The following CHN1 variants were observed in gnomAD, a reference collection of about 807,000 sequenced individuals.
CHN1 encodes the protein chimerin 1.
CHN1 carries 37 observed loss-of-function variants against 59.5 expected under a neutral mutation model. The ratio of observed to expected loss-of-function variants is 0.62; its 90% CI spans 0.48 to 0.82. The LOEUF is 0.82. Among genes scored for constraint, CHN1 ranks in the 40% least tolerant of loss-of-function variants. The pLI, the probability that CHN1 is intolerant of heterozygous loss-of-function variation, is 0.00. For missense variants in CHN1, 469 were observed against 571.0 expected (o/e 0.82, Z 1.82); for synonymous variants, 206 against 200.4 (o/e 1.03, Z -0.24).
intron 4 of CHN1, among the ~76,000 whole-genome samples, chr2:174,916,459 G>A (rs1426092270): frequency 6.6e-6 from 1 of 152,134 alleles, no homozygotes; most frequent in African/African-American, 2.4e-5. Flanking sequence ...TACAATAACT[G>A]CAATGACTCA....
Position 174,877,823 on chromosome 2 carries a change from G to T in CHN1, c.549+17C>A. The T allele has an allele frequency of 1.3e-6, 2 of 1,598,682 alleles. No individual in the cohort carries two copies. Among genetic ancestry groups the T allele is most frequent in the Non-Finnish European group, 1.7e-6 (2 of 1,171,402 alleles). The stretch of plus-strand genomic sequence containing the variant: ...CCCAAACAGAAAAAGATAAAGTGTG[G>T]TTTCATAGTAGCTTACCCTTTTCTC... On this transcript the variant is annotated intron_variant, in intron 6 of 12. Coordinates refer to ENST00000409900, the MANE Select transcript of CHN1 (RefSeq NM_001822.7).
Position 174,804,974 on chromosome 2 carries a change from C to G in CHN1, c.1103-3162G>C, listed in dbSNP as rs1328247386. Among the ~76,000 whole-genome samples, 3 of 152,232 alleles carry G rather than the reference C, an allele frequency of 2.0e-5. No homozygotes were observed. The East Asian group carries it at 5.8e-4, about 29-fold the overall frequency. Reference sequence around the variant, plus strand: ...TCCAGAACTCATTTCTCCTTTTCTTCCACTTACAAAAGTATTACCCATTAC... The same window carrying G: ...TCCAGAACTCATTTCTCCTTTTCTTGCACTTACAAAAGTATTACCCATTAC... On this transcript the variant is annotated intron_variant, in intron 11 of 12. Transcript: ENST00000409900.
chr2:174,894,509 G>A (rs1177700340), intron 5 of CHN1, among the ~76,000 whole-genome samples: 1 of 152,126 alleles, frequency 6.6e-6, no homozygotes, highest in Admixed American at 6.5e-5. Context: ...GAATGCTTGT[G>A]TACAGTTGGT....
intron 7 of CHN1, among the ~76,000 whole-genome samples, chr2:174,835,873 T>TA (rs1468259182): frequency 6.6e-6 from 1 of 152,200 alleles, no homozygotes; most frequent in East Asian, 1.9e-4. Context: ...CTGTTTCTAC[T>TA]AGTGGGCAGA....
chr2:174,827,785 CAG>C (rs1558941196), intron 7 of CHN1, among the ~76,000 whole-genome samples: 1 of 152,112 alleles, frequency 6.6e-6, no homozygotes, highest in Admixed American at 6.6e-5. Context: ...CTAATTGAAA[CAG>C]AGGCAACGGA....
intron 1 of CHN1, among the ~76,000 whole-genome samples, chr2:174,988,311 C>T (rs545900083): frequency 3.8e-4 from 57 of 149,218 alleles, no homozygotes; most frequent in Non-Finnish European, 6.5e-4. Context: ...GAGTCGAGAT[C>T]GCGCCACTGC....
chr2:174,929,395 T>C (rs1415255673), intron 3 of CHN1, among the ~76,000 whole-genome samples: 2 of 152,032 alleles, frequency 1.3e-5, no homozygotes, highest in East Asian at 3.9e-4. Flanking sequence ...CTAGCCAACA[T>C]GGTGAAACCC....
chr2:174,948,797 C>A (rs1428660831), intron 2 of CHN1, among the ~76,000 whole-genome samples: 3 of 152,070 alleles, frequency 2.0e-5, no homozygotes, highest in Non-Finnish European at 2.9e-5. Flanking sequence ...AATTGACATA[C>A]CTAATTATTT....
At chr2:174,926,883 G>A (rs1243159334) in intron 3 of CHN1, among the ~76,000 whole-genome samples, 1 of 151,666 alleles carries the variant, frequency 6.6e-6, no homozygotes, top group African/African-American at 2.4e-5. Context: ...TCAGCCTCCC[G>A]AGTAGCTGGG....
intron 1 of CHN1, among the ~76,000 whole-genome samples, chr2:174,983,873 C>T (rs1691246646): frequency 6.6e-6 from 1 of 152,028 alleles, no homozygotes; most frequent in South Asian, 2.1e-4. Context: ...AATCAGTCAG[C>T]CAACTGAAAA....
chr2:174,818,364 T>TAC (rs1294205757), intron 8 of CHN1, among the ~76,000 whole-genome samples: 1 of 152,200 alleles, frequency 6.6e-6, no homozygotes, highest in Non-Finnish European at 1.5e-5. Flanking sequence ...TTTATACACT[T>TAC]ACATTCACAG....
chr2:174,799,840 T>G lies in CHN1; in HGVS notation c.*276A>C, dbSNP rs1270894114. On this transcript the variant is annotated 3_prime_UTR_variant, in exon 13 of 13. Coordinates refer to ENST00000409900, the MANE Select transcript of CHN1 (RefSeq NM_001822.7). ...GCGCAGGTTTGTTGTTTCTTCTGTATGGGGTTTCCTTGCCAGATAGGGGGC... is the reference window on the plus strand; with the variant it reads ...GCGCAGGTTTGTTGTTTCTTCTGTAGGGGGTTTCCTTGCCAGATAGGGGGC... The G allele has an allele frequency of 1.8e-5, 10 of 571,074 alleles. No individual in the cohort carries two copies. The highest frequency in any genetic ancestry group is 3.0e-5 in the Non-Finnish European group (9 of 301,738). 35.4% of individuals were successfully genotyped at this position (571,074 alleles called of 1,614,324 possible). A position where few individuals can be genotyped will look rare whatever the true frequency, so the allele number is the denominator to read the frequency against.
intron 1 of CHN1, among the ~76,000 whole-genome samples, chr2:174,991,916 A>G (rs1302478040): frequency 1.3e-5 from 2 of 152,236 alleles, no homozygotes; most frequent in Non-Finnish European, 2.9e-5. Context: ...ATGAAAAAGA[A>G]ATGAATCTTA....
intron 3 of CHN1, among the ~76,000 whole-genome samples, chr2:174,927,493 G>C (rs1369848751): frequency 6.6e-6 from 1 of 152,070 alleles, no homozygotes; most frequent in African/African-American, 2.4e-5. Flanking sequence ...GCTCTCCACA[G>C]GAAATTTGAA....
At chr2:174,893,248 A>C (rs977559344) in intron 5 of CHN1, among the ~76,000 whole-genome samples, 1 of 152,228 alleles carries the variant, frequency 6.6e-6, no homozygotes, top group African/African-American at 2.4e-5. Context: ...AAACTATCAG[A>C]ACCAATAAAT....
chr2:174,907,041 A>G (rs983038435), intron 5 of CHN1, among the ~76,000 whole-genome samples: 2 of 152,208 alleles, frequency 1.3e-5, no homozygotes, highest in East Asian at 3.9e-4. Flanking sequence ...ATGAGAAATA[A>G]TAACTCAAAG....
At chr2:174,921,802 T>C (rs1346708392) in intron 3 of CHN1, among the ~76,000 whole-genome samples, 2 of 152,110 alleles carry the variant, frequency 1.3e-5, no homozygotes, top group Non-Finnish European at 2.9e-5. Context: ...TCACTCACTA[T>C]CACGAGAACT....
At chr2:174,957,447 G>T (rs1574211645) in intron 1 of CHN1, among the ~76,000 whole-genome samples, 1 of 34,354 alleles carries the variant, frequency 2.9e-5, no homozygotes, top group African/African-American at 1.2e-4. Flanking sequence ...TGTGTGTGTT[G>T]GGGGGGGGGG....
intron 6 of CHN1, among the ~76,000 whole-genome samples, chr2:174,871,171 C>A (rs911409441): frequency 3.4e-5 from 5 of 149,208 alleles, no homozygotes; most frequent in Non-Finnish European, 7.4e-5. Context: ...TGAGCTTGGT[C>A]ACTTACCATC....
Sources: allele counts gnomAD v4.1 joint callset (sites outside exome capture counted in the v4.1 genomes callset), GRCh38; gene constraint gnomAD v4.1.1; transcripts MANE v1.5; gene names NCBI Gene and HGNC (gene_info 2026-07-23, HGNC 2026-07-21).